CDC42BPB: variants seen among roughly 807,000 people sequenced by gnomAD.
CDC42BPB encodes the protein serine/threonine-protein kinase MRCK beta.
Under a neutral mutation model 214.9 loss-of-function variants are expected in CDC42BPB, and 37 were observed. That is an observed-to-expected ratio of 0.17 (90% CI 0.13 to 0.23). The LOEUF (loss-of-function observed/expected upper bound fraction) is 0.23. Ranked by LOEUF, CDC42BPB falls within the 10% of genes least tolerant of loss-of-function variation. The pLI, the probability that CDC42BPB is intolerant of heterozygous loss-of-function variation, is 1.00. For synonymous variants in CDC42BPB, 931 were observed against 884.0 expected (o/e 1.05, Z -0.94); for missense variants, 1,694 against 2,227.0 (o/e 0.76, Z 4.82).
At chr14:103,039,875 T>TA (rs1887889671) in intron 1 of CDC42BPB, among the ~76,000 whole-genome samples, 1 of 152,140 alleles carries the variant, frequency 6.6e-6, no homozygotes, top group South Asian at 2.1e-4. Context: ...TATGATTTTT[T>TA]ATGTAAAAAT....
chr14:103,041,666 C>G (rs1237186197), intron 1 of CDC42BPB: 6 of 578,260 alleles, frequency 1.0e-5, no homozygotes, highest in Admixed American at 2.9e-5. Flanking sequence ...CGAAATCACA[C>G]CAAGGTGCGC....
chr14:102,996,344 A>G (rs1396918338), intron 5 of CDC42BPB, among the ~76,000 whole-genome samples: 1 of 151,538 alleles, frequency 6.6e-6, no homozygotes. Flanking sequence ...CGTCTCAAAA[A>G]AGAAAAGAGA....
At chr14:102,976,351 G>A (rs1036692496) in intron 9 of CDC42BPB, 11 of 336,180 alleles carry the variant, frequency 3.3e-5, no homozygotes, top group African/African-American at 1.8e-4. Context: ...TGGATCCTGC[G>A]TAAAGCAAGG....
At chr14:103,006,384 T>A (rs1274579438) in intron 3 of CDC42BPB, among the ~76,000 whole-genome samples, 1 of 152,258 alleles carries the variant, frequency 6.6e-6, no homozygotes, top group Non-Finnish European at 1.5e-5. Context: ...AAGCTCTGCC[T>A]GGCAGCTAGC....
chr14:103,012,910 T>C (rs769117848), intron 1 of CDC42BPB, among the ~76,000 whole-genome samples: 3 of 152,332 alleles, frequency 2.0e-5, no homozygotes, highest in Non-Finnish European at 2.9e-5. Context: ...CCAGGAGCAG[T>C]AGGTTGTGCC....
intron 30 of CDC42BPB, among the ~76,000 whole-genome samples, chr14:102,942,501 G>A (rs1436426866): frequency 7.2e-5 from 11 of 152,330 alleles, no homozygotes; most frequent in East Asian, 3.9e-4. Flanking sequence ...TGGATTTGAT[G>A]GTGCAGGCCA....
chr14:103,013,456 C>G (rs1886271791), intron 1 of CDC42BPB, among the ~76,000 whole-genome samples: 1 of 152,234 alleles, frequency 6.6e-6, no homozygotes, highest in Non-Finnish European at 1.5e-5. Context: ...TCTGTGGGCA[C>G]TGTACTGGGC....
chr14:102,939,515 G>C (rs77448485), intron 34 of CDC42BPB, 95 bp downstream of exon 34: 83,473 of 870,670 alleles, frequency 0.096, 4,911 homozygotes, highest in Middle Eastern at 0.14. Flanking sequence ...AGCCTCGCAG[G>C]CACTGCCTTT....
intron 1 of CDC42BPB, among the ~76,000 whole-genome samples, chr14:103,039,572 C>A (rs1243556987): frequency 1.3e-5 from 2 of 152,102 alleles, no homozygotes; most frequent in Non-Finnish European, 2.9e-5. Flanking sequence ...AATCCAACAC[C>A]CTTTCACATC....
rs1260922744 is a variant in CDC42BPB at position 102,980,890 on chromosome 14, A to C, written c.1023T>G (p.Phe341Leu). The C allele has an allele frequency of 6.2e-7, 1 of 1,614,172 alleles. No individual in the cohort carries two copies. Among genetic ancestry groups the C allele is most frequent in the Non-Finnish European group, 8.5e-7 (1 of 1,180,026 alleles). ...TATTTTCCCAATTTAGACCTTCAAA[A>C]AACGCATGCTTTTTGAAATCCTCTA... The part of the protein sequence containing the change: ...NGIEDFKKHA[F>L]FEGLNWENIR... The change falls in exon 8 of 37, where the codon TTT (phenylalanine) becomes TTG (leucine). Residue 341 changes from phenylalanine (F) to leucine (L), a missense_variant. Around this residue, in one of 7 missense-constraint regions of CDC42BPB, gnomAD observed 225 missense variants for 459.3 expected, o/e 0.49. Transcript: ENST00000361246.
At chr14:103,020,095 G>C (rs775826719) in intron 1 of CDC42BPB, among the ~76,000 whole-genome samples, 5 of 152,236 alleles carry the variant, frequency 3.3e-5, no homozygotes, top group Admixed American at 3.3e-4. Context: ...TCCCCTGTCC[G>C]GCAGAAGCTC....
chr14:102,960,657 C>T (rs919869582), intron 20 of CDC42BPB, among the ~76,000 whole-genome samples: 11 of 152,154 alleles, frequency 7.2e-5, no homozygotes, highest in East Asian at 1.9e-4. Flanking sequence ...GTGGTTCTTC[C>T]CCATGAACAA....
chr14:102,973,547 G>T (rs980391939), intron 12 of CDC42BPB, among the ~76,000 whole-genome samples: 1 of 152,136 alleles, frequency 6.6e-6, no homozygotes, highest in East Asian at 1.9e-4. Context: ...AAGAGCAGAG[G>T]CCTGGTGGAG....
At chr14:102,945,103 C>T (rs1595451403) in intron 29 of CDC42BPB, 1 of 372,972 alleles carries the variant, frequency 2.7e-6, no homozygotes, top group Non-Finnish European at 5.4e-6. Context: ...CCAGCGGCTG[C>T]CCCGCCCTTC....
At position 103,007,113 on chromosome 14, in the gene CDC42BPB, C is replaced by T. The variant is rs184730120; in HGVS notation, c.351+1359G>A. On this transcript the variant is annotated intron_variant, in intron 3 of 36. Coordinates refer to ENST00000361246, the MANE Select transcript of CDC42BPB (RefSeq NM_006035.4). ...CTTCTCCCAAAGAAGGAAGGGAGAC[C>T]GTGTACACCCCAGAAGCTGGGAGAC... Among the ~76,000 whole-genome samples the T allele has an allele frequency of 7.2e-5, 11 of 152,262 alleles. No homozygotes were observed. In the East Asian group the frequency reaches 9.6e-4, roughly 13 times the overall value.
chr14:103,008,407 G>C, intron 3 of CDC42BPB, 65 bp downstream of exon 3: 1 of 1,048,710 alleles, frequency 9.5e-7, no homozygotes, highest in South Asian at 1.3e-5. Flanking sequence ...TCCCCAGCTG[G>C]CTTCACAGTC....
Position 102,952,520 on chromosome 14 carries a change from G to T in CDC42BPB, c.3150C>A (p.Ile1050=). ...CACCCTCGCAGGCGTAGCCCTGCCG[G>T]ATCAGCCCAACCATCAGGGAGGTGC... ...SHCTSLMVGL[I]RQGYACEVCS... The change falls in exon 24 of 37, where the codon ATC becomes ATA. Residue 1050 remains isoleucine (I), a synonymous_variant. Coordinates refer to ENST00000361246, the MANE Select transcript of CDC42BPB (RefSeq NM_006035.4). 1 of 1,612,998 alleles carries T rather than the reference G, an allele frequency of 6.2e-7. No homozygotes were observed.
At chr14:103,018,445 C>T (rs1049982206) in intron 1 of CDC42BPB, among the ~76,000 whole-genome samples, 1 of 152,212 alleles carries the variant, frequency 6.6e-6, no homozygotes, top group African/African-American at 2.4e-5. Context: ...CCACTGGATA[C>T]AGCCACCACC....
chr14:103,003,375 A>C (rs1226262332), intron 4 of CDC42BPB, among the ~76,000 whole-genome samples: 1 of 152,228 alleles, frequency 6.6e-6, no homozygotes, highest in East Asian at 1.9e-4. Context: ...ACGCTTGACA[A>C]TGCACATGCA....
Sources: allele counts gnomAD v4.1 joint callset (sites outside exome capture counted in the v4.1 genomes callset), GRCh38; gene constraint gnomAD v4.1.1; regional missense constraint gnomAD v4.1.1; transcripts MANE v1.5; gene names NCBI Gene and HGNC (gene_info 2026-07-23, HGNC 2026-07-21).